Variants in HOMER2 observed in about 807,000 individuals in gnomAD.
HOMER2 encodes homer scaffold protein 2, also known as homer protein homolog 2.
HOMER2 carries 27 observed loss-of-function variants against 47.0 expected under a neutral mutation model. The ratio of observed to expected loss-of-function variants is 0.57; its 90% CI spans 0.42 to 0.79. The LOEUF (loss-of-function observed/expected upper bound fraction) is 0.79. Ranked by LOEUF, HOMER2 falls within the 30% of genes least tolerant of loss-of-function variation. The pLI, the probability that HOMER2 is intolerant of heterozygous loss-of-function variation, is 0.00. For missense variants in HOMER2, 443 were observed against 435.0 expected (o/e 1.02, Z -0.16); for synonymous variants, 161 against 163.8 (o/e 0.98, Z 0.13).
intron 6 of HOMER2, among the ~76,000 whole-genome samples, chr15:82,853,260 TCCCCCCGCAC>T (rs1433680693): frequency 1.4e-5 from 1 of 72,834 alleles, no homozygotes; most frequent in Non-Finnish European, 3.2e-5. Context: ...CTTCCTCCAC[TCCCCCCGCAC>T]TGCTGCTGGC....
intron 5 of HOMER2, among the ~76,000 whole-genome samples, chr15:82,855,817 C>T (rs887412238): frequency 9.2e-5 from 14 of 152,172 alleles, no homozygotes; most frequent in Admixed American, 3.9e-4. Flanking sequence ...GTGAGGAGGA[C>T]GTTTAAAACA....
intron 2 of HOMER2, among the ~76,000 whole-genome samples, chr15:82,892,437 G>A (rs1204020236): frequency 6.6e-6 from 1 of 152,086 alleles, no homozygotes; most frequent in Non-Finnish European, 1.5e-5. Context: ...AACCACGGGG[G>A]GAAATTAAGA....
intron 1 of HOMER2, among the ~76,000 whole-genome samples, chr15:82,933,687 G>T (rs1314336052): frequency 1.3e-5 from 2 of 152,174 alleles, no homozygotes; most frequent in African/African-American, 4.8e-5. Flanking sequence ...TTCTAGATGG[G>T]AGCGGGGCAG....
chr15:82,845,228 A>T (rs940355480), downstream of HOMER2: 7 of 71,298 alleles, frequency 9.8e-5, no homozygotes, highest in African/African-American at 3.5e-4. Flanking sequence ...TCACACACAC[A>T]CACACACACA....
At chr15:82,940,287 G>C (rs2054234574) in intron 1 of HOMER2, among the ~76,000 whole-genome samples, 1 of 152,196 alleles carries the variant, frequency 6.6e-6, no homozygotes, top group Non-Finnish European at 1.5e-5. Flanking sequence ...ACAGCACTCT[G>C]CATAGTGACT....
chr15:82,934,488 C>T (rs1217137321), intron 1 of HOMER2, among the ~76,000 whole-genome samples: 4 of 152,140 alleles, frequency 2.6e-5, no homozygotes, highest in African/African-American at 4.8e-5. Context: ...TTCCCGCCCA[C>T]ACCACCCATC....
chr15:82,868,147 T>C (rs1223353914), intron 3 of HOMER2, among the ~76,000 whole-genome samples: 1 of 152,178 alleles, frequency 6.6e-6, no homozygotes, highest in African/African-American at 2.4e-5. Flanking sequence ...GAAAAGTGTC[T>C]GTTCATGTCC....
chr15:82,859,915 T>G (rs1596306962), intron 4 of HOMER2, among the ~76,000 whole-genome samples: 1 of 142,084 alleles, frequency 7.0e-6, no homozygotes. Flanking sequence ...ACCCGGGGGG[T>G]GGGGAGGGGA....
At chr15:82,943,395 G>A (rs1054008006) in intron 1 of HOMER2, among the ~76,000 whole-genome samples, 1 of 152,166 alleles carries the variant, frequency 6.6e-6, no homozygotes, top group African/African-American at 2.4e-5. Flanking sequence ...ACTTGGAGGA[G>A]TTAGAGAGCT....
intron 1 of HOMER2, among the ~76,000 whole-genome samples, chr15:82,985,065 GA>G (rs1268826948): frequency 6.6e-6 from 1 of 152,176 alleles, no homozygotes; most frequent in East Asian, 1.9e-4. Flanking sequence ...ATAATGGAAA[GA>G]ATTTCAACAT....
intron 1 of HOMER2, among the ~76,000 whole-genome samples, chr15:82,949,231 T>G (rs2054450787): frequency 6.6e-6 from 1 of 152,082 alleles, no homozygotes. Flanking sequence ...AATTAAAGTG[T>G]GGGCATCATG....
At position 82,849,917 on chromosome 15, in the gene HOMER2, AGG is replaced by A. The variant is rs745725944; in HGVS notation, c.844-16_844-15del. ...TCTCTCTGCCGCCTGGCCAAGCAAAAGGGAGAAGGGTCTAGAAAACTGAGTGA... is the reference window on the plus strand; with the variant it reads ...TCTCTCTGCCGCCTGGCCAAGCAAAAGAGAAGGGTCTAGAAAACTGAGTGA... On this transcript the variant is annotated splice_polypyrimidine_tract_variant and intron_variant, in intron 8 of 8. Transcript: ENST00000450735. The A allele has an allele frequency of 5.0e-6, 8 of 1,611,270 alleles. No individual in the cohort carries two copies. In the South Asian group the frequency reaches 8.8e-5, roughly 18 times the overall value.
chr15:82,939,468 A>C (rs1457349140), intron 1 of HOMER2, among the ~76,000 whole-genome samples: 1 of 152,136 alleles, frequency 6.6e-6, no homozygotes, highest in Non-Finnish European at 1.5e-5. Context: ...GAAGTTCGAG[A>C]CCAGCCTGGC....
chr15:82,978,560 T>G (rs1471143487), intron 1 of HOMER2, among the ~76,000 whole-genome samples: 1 of 152,126 alleles, frequency 6.6e-6, no homozygotes, highest in Non-Finnish European at 1.5e-5. Context: ...GGGTATGCAT[T>G]TAGTTCATTT....
chr15:82,834,926 A>AAGTT, downstream of HOMER2: 1 of 152,068 alleles, frequency 6.6e-6, no homozygotes, highest in Non-Finnish European at 1.5e-5. Context: ...TTTCTCCTTA[A>AAGTT]AATTAAATTT....
intron 1 of HOMER2, among the ~76,000 whole-genome samples, chr15:82,941,217 G>C (rs577662477): frequency 7.2e-5 from 11 of 151,924 alleles, no homozygotes; most frequent in African/African-American, 2.2e-4. Flanking sequence ...GCCGAAGCAG[G>C]CAGATCACTT....
At chr15:82,896,605 G>A (rs985572397) in intron 1 of HOMER2, among the ~76,000 whole-genome samples, 2 of 152,216 alleles carry the variant, frequency 1.3e-5, no homozygotes, top group Admixed American at 1.3e-4. Context: ...AGACCTGGGA[G>A]GGGTACTGCA....
chr15:82,834,708 A>C (rs55747156), downstream of HOMER2: 4,633 of 152,738 alleles, frequency 0.03, 86 homozygotes, highest in Non-Finnish European at 0.046. Context: ...CAAGCACTAC[A>C]TAAACTCATA....
At chr15:82,860,372 G>T (rs369415850) in intron 4 of HOMER2, among the ~76,000 whole-genome samples, 1 of 151,980 alleles carries the variant, frequency 6.6e-6, no homozygotes, top group East Asian at 1.9e-4. Context: ...AAATATGGTG[G>T]GGGGGAGCAA....
Sources: allele counts gnomAD v4.1 joint callset (sites outside exome capture counted in the v4.1 genomes callset), GRCh38; gene constraint gnomAD v4.1.1; transcripts MANE v1.5; gene names NCBI Gene and HGNC (gene_info 2026-07-23, HGNC 2026-07-21).